Variants in AP1G1 observed in about 807,000 individuals in gnomAD.
AP1G1 encodes the protein AP-1 complex subunit gamma-1.
A neutral mutation model predicts 108.3 loss-of-function variants in AP1G1; 7 were observed. That is an observed-to-expected ratio of 0.06 (90% CI 0.04 to 0.12). The LOEUF is 0.12. Ranked by LOEUF, AP1G1 falls within the 10% of genes least tolerant of loss-of-function variation. The pLI, the probability that AP1G1 is intolerant of heterozygous loss-of-function variation, is 1.00. For missense variants in AP1G1, 756 were observed against 1,010.7 expected (o/e 0.75, Z 3.42); for synonymous variants, 379 against 353.5 (o/e 1.07, Z -0.81).
chr16:71,768,420 G>C (rs1460890926), intron 6 of AP1G1, among the ~76,000 whole-genome samples: 2 of 148,784 alleles, frequency 1.3e-5, no homozygotes, highest in African/African-American at 5.0e-5. Flanking sequence ...AGAATCACTT[G>C]AACCCAGGAG....
At chr16:71,739,746 CAA>C (rs751174235) in intron 19 of AP1G1, among the ~76,000 whole-genome samples, 29 of 51,794 alleles carry the variant, frequency 5.6e-4, no homozygotes, top group Non-Finnish European at 3.6e-4. Flanking sequence ...GACTCTGTCG[CAA>C]AAAAAAAAAA....
chr16:71,767,705 A>G (rs2031372358), intron 6 of AP1G1, among the ~76,000 whole-genome samples: 2 of 152,330 alleles, frequency 1.3e-5, no homozygotes, highest in East Asian at 3.9e-4. Context: ...TTTAAGTGAC[A>G]AAACAAAAAC....
intron 19 of AP1G1, among the ~76,000 whole-genome samples, chr16:71,740,298 T>C (rs2045602931): frequency 6.6e-6 from 1 of 152,178 alleles, no homozygotes; most frequent in Non-Finnish European, 1.5e-5. Flanking sequence ...CATTAGACGG[T>C]AGCATCCTCC....
chr16:71,785,532 GC>G (rs2032168334), intron 2 of AP1G1, among the ~76,000 whole-genome samples: 1 of 136,746 alleles, frequency 7.3e-6, no homozygotes, highest in Admixed American at 8.2e-5. Context: ...CCAAGATTGT[GC>G]CATTGTACTC....
At chr16:71,750,135 A>G (rs940091410) in intron 14 of AP1G1, 75 bp downstream of exon 14, 70 of 1,547,348 alleles carry the variant, frequency 4.5e-5, no homozygotes, top group African/African-American at 9.6e-5. Context: ...AGGAGGGGGG[A>G]AAAAAAAGAA....
intron 2 of AP1G1, among the ~76,000 whole-genome samples, chr16:71,778,119 C>CA (rs909437333): frequency 5.9e-5 from 9 of 152,024 alleles, no homozygotes; most frequent in African/African-American, 2.2e-4. Context: ...ATAACAACAA[C>CA]AAAAAAACCT....
intron 2 of AP1G1, among the ~76,000 whole-genome samples, chr16:71,775,610 C>CA (rs1248200404): frequency 6.6e-6 from 1 of 151,988 alleles, no homozygotes; most frequent in Non-Finnish European, 1.5e-5. Flanking sequence ...AAAAAAAACT[C>CA]AATAACTAGA....
chr16:71,738,053 G>T (rs190694574), intron 21 of AP1G1, among the ~76,000 whole-genome samples: 2 of 152,110 alleles, frequency 1.3e-5, no homozygotes, highest in African/African-American at 4.8e-5. Context: ...AGAACTCTTT[G>T]TTTGTTTGTT....
Position 71,733,121 on chromosome 16 carries a change from G to A in AP1G1, c.2406C>T (p.His802=). The part of the protein sequence containing the change: ...LRMRIKLTYN[H]KGSAMQDLAE... ...CTAGATCTTGCATTGCTGAGCCCTTGTGATTATATGTAAGCTTGATCCGCA... is the reference window on the plus strand; with the variant it reads ...CTAGATCTTGCATTGCTGAGCCCTTATGATTATATGTAAGCTTGATCCGCA... Residue 802 remains histidine, a synonymous_variant, in exon 23 of 23, where the codon CAC becomes CAT. Transcript: ENST00000299980. 1 of 1,614,158 alleles carries A rather than the reference G, an allele frequency of 6.2e-7. No individual in the cohort carries two copies. Among genetic ancestry groups the A allele is most frequent in the Non-Finnish European group, 8.5e-7 (1 of 1,180,026 alleles).
chr16:71,789,602 C>G, intron 1 of AP1G1, 120 bp from the exon 2 acceptor site: 1 of 978,158 alleles, frequency 1.0e-6, no homozygotes, highest in Admixed American at 2.3e-5. Context: ...CCAAATCCAG[C>G]TTAGCGAAGC....
intron 19 of AP1G1, chr16:71,743,110 T>C (rs1360555814): frequency 6.6e-6 from 1 of 152,218 alleles, no homozygotes; most frequent in Non-Finnish European, 1.5e-5. Context: ...ACTAACATAT[T>C]AGGTGAAGTA....
At chr16:71,804,079 G>A (rs1288836359) in intron 1 of AP1G1, among the ~76,000 whole-genome samples, 5 of 150,630 alleles carry the variant, frequency 3.3e-5, no homozygotes, top group South Asian at 2.1e-4. Context: ...CAAGAGTCTC[G>A]CTCTGTCCCC....
chr16:71,741,508 G>T (rs1302464629), intron 19 of AP1G1, among the ~76,000 whole-genome samples: 1 of 152,120 alleles, frequency 6.6e-6, no homozygotes, highest in East Asian at 1.9e-4. Flanking sequence ...GCTTGAATCT[G>T]GGAGGCAAAG....
chr16:71,791,640 C>T (rs1348332011), intron 1 of AP1G1, among the ~76,000 whole-genome samples: 2 of 140,012 alleles, frequency 1.4e-5, no homozygotes, highest in South Asian at 2.3e-4. Flanking sequence ...AGCTGTGACA[C>T]TGTATCCTGG....
rs1363944939 is a variant in AP1G1, at chr16:71,789,430, G to A, written c.50C>T (p.Ala17Val). 6.2e-7 allele frequency: 1 copy of A among 1,614,170 alleles called. No homozygotes were observed. Among genetic ancestry groups the A allele is most frequent in the Admixed American group, 1.7e-5 (1 of 60,010 alleles). ...TTCTCGTTCTTCAGCTTGGGTTCGG[G>A]CTGTCCGGATGGTCCGGATCAGCTC... ...LRELIRTIRT[A>V]RTQAEEREMI... The change falls in exon 2 of 23, where the codon GCC becomes GTC. Residue 17 changes from alanine (A) to valine (V), a missense_variant. Ala to Val is a moderately conservative substitution (Grantham distance 64, BLOSUM62 0). Transcript: ENST00000299980.
chr16:71,807,216 A>C (rs555761590), intron 1 of AP1G1, among the ~76,000 whole-genome samples: 1 of 152,212 alleles, frequency 6.6e-6, no homozygotes, highest in African/African-American at 2.4e-5. Context: ...ACCTGAGCTC[A>C]GGAGTTCGAG....
At chr16:71,736,687 G>A (rs530802038) in intron 21 of AP1G1, among the ~76,000 whole-genome samples, 11 of 150,822 alleles carry the variant, frequency 7.3e-5, no homozygotes, top group South Asian at 2.1e-4. Flanking sequence ...CCGGGCTCAC[G>A]CCATTCTCCC....
chr16:71,795,426 T>C (rs34998650), intron 1 of AP1G1, among the ~76,000 whole-genome samples: 34,758 of 152,176 alleles, frequency 0.23, 4,654 homozygotes, highest in Non-Finnish European at 0.31. Flanking sequence ...AACTTCACCA[T>C]TGACTACTGT....
At chr16:71,767,296 GACAA>G (rs1363611965) in intron 6 of AP1G1, among the ~76,000 whole-genome samples, 2 of 152,110 alleles carry the variant, frequency 1.3e-5, no homozygotes, top group East Asian at 1.9e-4. Flanking sequence ...CTGATGACAA[GACAA>G]ACAAAATAAG....
Sources: gnomAD v4.1 joint callset for allele counts (sites outside exome capture counted in the v4.1 genomes callset) on GRCh38, gnomAD v4.1.1 for gene constraint, MANE v1.5 for transcripts, NCBI Gene and HGNC (gene_info 2026-07-23, HGNC 2026-07-21) for gene names.